The following PARD3B variants were observed in gnomAD, a reference collection of about 807,000 sequenced individuals.
PARD3B encodes the protein partitioning defective 3 homolog B.
PARD3B carries 103 observed loss-of-function variants against 130.2 expected under a neutral mutation model. The observed-to-expected ratio is 0.79, with a 90% CI of 0.67 to 0.93. The LOEUF (loss-of-function observed/expected upper bound fraction) is 0.93, where lower values mean the gene tolerates loss of function less well. Among genes scored for constraint, PARD3B ranks in the 40% least tolerant of loss-of-function variants. The pLI is 0.00. For missense variants in PARD3B, 1,609 were observed against 1,499.2 expected (o/e 1.07, Z -1.21); for synonymous variants, 583 against 553.2 (o/e 1.05, Z -0.76).
At chr2:205,385,714 C>T (rs570044891) in intron 18 of PARD3B, among the ~76,000 whole-genome samples, 6 of 152,152 alleles carry the variant, frequency 3.9e-5, no homozygotes, top group Admixed American at 1.3e-4. Context: ...CCTGACTCAA[C>T]ATTAGTTGAG....
In PARD3B at chr2:205,176,510, C is replaced by T. The variant is rs2035477524; in HGVS notation, c.1857C>T (p.Thr619=). 3 of 1,612,686 alleles carry T rather than the reference C, an allele frequency of 1.9e-6. No individual in the cohort carries two copies. The highest frequency in any genetic ancestry group is 2.5e-6 in the Non-Finnish European group (3 of 1,178,996). Residue 619 remains threonine, a synonymous_variant, in exon 13 of 23, where the codon ACC becomes ACT. Transcript: ENST00000406610. This position sits in a 1 kb window ranked among gnomAD's most constrained non-coding sequence, Gnocchi z 5.3. ...CFENCQNAVT[T]SRRNDNSILH... ...AGAACTGTCAAAATGCTGTAACCAC[C>T]TCTAGGCGAAATGATAATAGTATCC... is the stretch of plus-strand genomic sequence containing the variant.
intron 20 of PARD3B, among the ~76,000 whole-genome samples, chr2:205,445,385 G>T (rs1037183590): frequency 6.6e-6 from 1 of 152,188 alleles, no homozygotes; most frequent in African/African-American, 2.4e-5. Context: ...AGTTCTGCAG[G>T]CTGTCCAGGA....
intron 22 of PARD3B, among the ~76,000 whole-genome samples, chr2:205,606,183 A>C (rs892819481): frequency 7.5e-6 from 1 of 133,850 alleles, no homozygotes; most frequent in Non-Finnish European, 1.7e-5. Context: ...AGCAGTCTGC[A>C]GCCAAGTGGC....
intron 21 of PARD3B, among the ~76,000 whole-genome samples, chr2:205,517,497 C>CTA (rs1283740387): frequency 2.6e-5 from 4 of 152,012 alleles, no homozygotes; most frequent in African/African-American, 9.7e-5. Context: ...AGCTACCAGC[C>CTA]TATCTATCTT....
At chr2:204,913,318 A>G (rs1196358915) in intron 2 of PARD3B, among the ~76,000 whole-genome samples, 2 of 152,144 alleles carry the variant, frequency 1.3e-5, no homozygotes, top group African/African-American at 4.8e-5. Context: ...CTGGGTTTGA[A>G]TCCTGGCCCC....
chr2:205,465,077 G>A (rs1005998626), intron 20 of PARD3B, among the ~76,000 whole-genome samples: 11 of 152,164 alleles, frequency 7.2e-5, no homozygotes, highest in Admixed American at 3.3e-4. Context: ...GTTTATGTTA[G>A]CATGTTTTAG....
At chr2:204,789,108 G>A (rs2042113169) in intron 2 of PARD3B, among the ~76,000 whole-genome samples, 1 of 152,178 alleles carries the variant, frequency 6.6e-6, no homozygotes, top group Non-Finnish European at 1.5e-5. Context: ...CCAGGCTGGA[G>A]TGAAGTGGTG....
At chr2:204,945,596 G>C (rs1689255675) in intron 2 of PARD3B, among the ~76,000 whole-genome samples, 1 of 152,220 alleles carries the variant, frequency 6.6e-6, no homozygotes, top group South Asian at 2.1e-4. Context: ...GAATGCTTCT[G>C]ATTGCGCTGC....
chr2:205,322,911 TTTTTTTTTTTTTTTTTTTTTG>T (rs2042802534), intron 18 of PARD3B, among the ~76,000 whole-genome samples: 1 of 110,812 alleles, frequency 9.0e-6, no homozygotes, highest in African/African-American at 3.4e-5. Context: ...TTTTTTTTTT[TTTTTTTTTTTTTTTTTTTTTG>T]ATGGAGTCTT....
intron 1 of PARD3B, among the ~76,000 whole-genome samples, chr2:204,553,671 T>C (rs1236718807): frequency 1.7e-3 from 196 of 114,018 alleles, no homozygotes; most frequent in African/African-American, 7.6e-3. Flanking sequence ...TATATATATA[T>C]ATATATATAT....
At chr2:205,442,840 A>G (rs768647789) in intron 20 of PARD3B, among the ~76,000 whole-genome samples, 1 of 152,202 alleles carries the variant, frequency 6.6e-6, no homozygotes, top group Non-Finnish European at 1.5e-5. Flanking sequence ...ATAAAATGAT[A>G]TTTAAAAAAT....
rs915290345 is a variant in PARD3B at position 204,643,691 on chromosome 2, ATTC to A, written c.121-42480_121-42478del. On this transcript the variant is annotated intron_variant, in intron 1 of 22. Transcript: ENST00000406610. The stretch of plus-strand genomic sequence containing the variant: ...CACTGGGCCACACTGGAAGAAGACA[ATTC>A]TTCTTCTTCCAGTGTGGTGCAGGGA... 9.3e-4 allele frequency among the ~76,000 whole-genome samples: 141 copies of A among 152,208 alleles called. 1 individual carries two copies. The highest frequency in any genetic ancestry group is 2.9e-3 in the African/African-American group (122 of 41,528).
Position 204,576,871 on chromosome 2 carries a change from A to G in PARD3B, c.120+30752A>G, listed in dbSNP as rs559596084. 3.3e-5 allele frequency among the ~76,000 whole-genome samples: 5 copies of G among 152,338 alleles called. No individual in the cohort carries two copies. The East Asian group carries it at 5.8e-4, about 18-fold the overall frequency. On this transcript the variant is annotated intron_variant, in intron 1 of 22. Coordinates refer to ENST00000406610, the MANE Select transcript of PARD3B (RefSeq NM_001302769.2). ...AACAACAATATGGAATACAACCATA[A>G]TAACATATACTGAGCAATTACTGTG...
chr2:205,279,082 A>C (rs946741876), intron 16 of PARD3B, among the ~76,000 whole-genome samples: 88 of 150,238 alleles, frequency 5.9e-4, no homozygotes, highest in African/African-American at 2.1e-3. Context: ...AAAAAAAAAA[A>C]AAAAAAAAAA....
Position 205,380,604 on chromosome 2 carries a change from A to ATATATAAAG in PARD3B, c.2631-20403_2631-20402insAAGTATATA, listed in dbSNP as rs1444544677. Among the ~76,000 whole-genome samples, 32 of 24,340 alleles carry ATATATAAAG rather than the reference A, an allele frequency of 1.3e-3. 3 individuals are homozygous for ATATATAAAG. The highest frequency in any genetic ancestry group is 3.7e-3 in the African/African-American group (29 of 7,782). 16.0% of individuals were successfully genotyped at this position (24,340 alleles called of 152,430 possible). On this transcript the variant is annotated intron_variant, in intron 18 of 22. Coordinates refer to ENST00000406610, the MANE Select transcript of PARD3B (RefSeq NM_001302769.2). ...ATATATTATATATAATATATAAAGAATATATATTATATATATTATATAAAG... is the reference window on the plus strand; with the variant it reads ...ATATATTATATATAATATATAAAGAATATATAAAGTATATATTATATATATTATATAAAG...
Position 205,440,738 on chromosome 2 carries a change from G to A in PARD3B, c.3044+66G>A, listed in dbSNP as rs1162411959. The stretch of plus-strand genomic sequence containing the variant: ...TATGTTTCAAATCATCTCTACTGCT[G>A]AAACCGATAAAAAATGTCTCCTTCA... On this transcript the variant is annotated intron_variant, in intron 20 of 22. Coordinates refer to ENST00000406610, the MANE Select transcript of PARD3B (RefSeq NM_001302769.2). This position sits in a 1 kb window ranked among gnomAD's most constrained non-coding sequence, Gnocchi z 4.2. The A allele has an allele frequency of 2.7e-6, 4 of 1,464,942 alleles. No individual in the cohort carries two copies. Among genetic ancestry groups the A allele is most frequent in the Admixed American group, 3.8e-5 (2 of 52,228 alleles). 90.7% of individuals were successfully genotyped at this position (1,464,942 alleles called of 1,614,324 possible).
In PARD3B at chr2:205,244,400, A is replaced by C. The variant is rs561558706; in HGVS notation, c.2141-1378A>C. 6.6e-6 allele frequency among the ~76,000 whole-genome samples: 1 copy of C among 152,358 alleles called. No individual in the cohort carries two copies. The highest frequency in any genetic ancestry group is 2.1e-4 in the South Asian group (1 of 4,830). ...ATAAACAGCTTTTGTTGAATATTAAAGTGATGATCTATGCAGAGATGCTTA... is the reference window on the plus strand; with the variant it reads ...ATAAACAGCTTTTGTTGAATATTAACGTGATGATCTATGCAGAGATGCTTA... On this transcript the variant is annotated intron_variant, in intron 15 of 22. Coordinates refer to ENST00000406610, the MANE Select transcript of PARD3B (RefSeq NM_001302769.2). This position sits in a 1 kb window ranked among gnomAD's most constrained non-coding sequence, Gnocchi z 4.7.
intron 2 of PARD3B, among the ~76,000 whole-genome samples, chr2:204,803,338 C>G (rs1233292575): frequency 6.6e-6 from 1 of 151,810 alleles, no homozygotes; most frequent in Non-Finnish European, 1.5e-5. Context: ...AGGAAATCAT[C>G]TGAAGATACA....
At chr2:204,797,769 A>G (rs1273789669) in intron 2 of PARD3B, among the ~76,000 whole-genome samples, 1 of 152,212 alleles carries the variant, frequency 6.6e-6, no homozygotes, top group Non-Finnish European at 1.5e-5. Flanking sequence ...TGCTTCTACA[A>G]CAGAAGACTT....
Sources: allele counts gnomAD v4.1 joint callset (sites outside exome capture counted in the v4.1 genomes callset), GRCh38; gene constraint gnomAD v4.1.1; non-coding constraint Gnocchi (gnomAD v3.1); transcripts MANE v1.5; gene names NCBI Gene and HGNC (gene_info 2026-07-23, HGNC 2026-07-21).